The following ALG14 variants were observed in gnomAD, a reference collection of about 807,000 sequenced individuals.
The protein encoded by ALG14 is ALG14 UDP-N-acetylglucosaminyltransferase subunit.
In ALG14, 17 loss-of-function variants were observed where a neutral mutation model predicts 22.8. That is an observed-to-expected ratio of 0.75 (90% CI 0.51 to 1.12). The LOEUF is 1.12. Ranked by LOEUF, ALG14 falls within the 50% of genes most tolerant of loss-of-function variation. The pLI is 0.00. For synonymous variants in ALG14, 89 were observed against 103.7 expected (o/e 0.86, Z 0.86); for missense variants, 288 against 271.8 (o/e 1.06, Z -0.42).
intron 3 of ALG14, among the ~76,000 whole-genome samples, chr1:95,006,185 T>A (rs11586384): frequency 0.076 from 11,502 of 152,240 alleles, 501 homozygotes; most frequent in Non-Finnish European, 0.099. Context: ...AATTCTATAT[T>A]CAGAATCTAT....
In ALG14 at chr1:94,979,062, T is replaced by C. The variant is rs1672448652; in HGVS notation, c.*4014A>G. On this transcript the variant is annotated 3_prime_UTR_variant, in exon 4 of 4. Transcript: ENST00000370205. Reference sequence around the variant, plus strand: ...ACTTTGGGAGGCCAAGATGGGTGGATCACCTGAGGTTGGGAGTTCAAGATC... The same window carrying C: ...ACTTTGGGAGGCCAAGATGGGTGGACCACCTGAGGTTGGGAGTTCAAGATC... 1 of 152,040 alleles carries C rather than the reference T, an allele frequency of 6.6e-6. No individual in the cohort carries two copies. Among genetic ancestry groups the C allele is most frequent in the South Asian group, 2.1e-4 (1 of 4,820 alleles). The allele number at this position is 152,040 out of a possible 1,614,324, so 9.4% of individuals were successfully genotyped here. A position where few individuals can be genotyped will look rare whatever the true frequency, so the allele number is the denominator to read the frequency against.
chr1:95,008,676 A>G (rs921951194), intron 3 of ALG14, among the ~76,000 whole-genome samples: 3 of 152,186 alleles, frequency 2.0e-5, no homozygotes, highest in African/African-American at 4.8e-5. Context: ...GGTAAAATAT[A>G]TATAAAATTT....
At chr1:95,032,273 A>G (rs1674033598) in intron 2 of ALG14, among the ~76,000 whole-genome samples, 1 of 152,320 alleles carries the variant, frequency 6.6e-6, no homozygotes, top group Admixed American at 6.5e-5. Context: ...AGATATATTT[A>G]GAATATAGAA....
At chr1:95,050,937 C>T (rs570123553) in intron 2 of ALG14, among the ~76,000 whole-genome samples, 228 of 149,816 alleles carry the variant, frequency 1.5e-3, no homozygotes, top group Non-Finnish European at 2.4e-3. Context: ...GTGATCTCCA[C>T]TTCCTGCAAC....
intron 2 of ALG14, among the ~76,000 whole-genome samples, chr1:95,030,440 G>C (rs1029118810): frequency 6.6e-6 from 1 of 152,090 alleles, no homozygotes; most frequent in African/African-American, 2.4e-5. Flanking sequence ...AAATAATTCA[G>C]TAGAATTCCA....
intron 3 of ALG14, among the ~76,000 whole-genome samples, chr1:94,993,913 G>A (rs987297149): frequency 3.3e-5 from 5 of 152,134 alleles, no homozygotes; most frequent in Non-Finnish European, 7.4e-5. Context: ...CAGTCTGCAC[G>A]TTCCATGCAT....
At chr1:94,995,926 A>G (rs150693146) in intron 3 of ALG14, among the ~76,000 whole-genome samples, 1 of 152,340 alleles carries the variant, frequency 6.6e-6, no homozygotes. Context: ...CTTTGTTGAA[A>G]TTAGGAGGTT....
At chr1:95,019,768 G>A (rs895686250) in intron 3 of ALG14, among the ~76,000 whole-genome samples, 2 of 152,176 alleles carry the variant, frequency 1.3e-5, no homozygotes, top group Non-Finnish European at 2.9e-5. Context: ...ATCACCTGAT[G>A]TCGGGAGTTT....
intron 2 of ALG14, among the ~76,000 whole-genome samples, chr1:95,034,701 G>C (rs1327673012): frequency 2.0e-5 from 3 of 152,126 alleles, no homozygotes; most frequent in Non-Finnish European, 4.4e-5. Context: ...GTGTCTCACT[G>C]CTGAGGAGCT....
intron 2 of ALG14, among the ~76,000 whole-genome samples, chr1:95,054,740 A>G (rs1674872857): frequency 6.6e-6 from 1 of 152,206 alleles, no homozygotes; most frequent in Non-Finnish European, 1.5e-5. Flanking sequence ...GTTCTGCAAA[A>G]CTTAAAAATA....
rs538691806 is a variant in ALG14, at chr1:95,004,645, G to A, written c.421-21339C>T. ...CTCCCGAGTAGCTGGGACTACAAGC[G>A]CCAGCCACCACGCCTGGCTAATTTT... On this transcript the variant is annotated intron_variant, in intron 3 of 3. Coordinates refer to ENST00000370205, the MANE Select transcript of ALG14 (RefSeq NM_144988.4). 4.7e-5 allele frequency among the ~76,000 whole-genome samples: 7 copies of A among 148,112 alleles called. No homozygotes were observed. The East Asian group carries it at 1.2e-3, about 25-fold the overall frequency.
At chr1:95,028,031 T>C (rs1192926362) in intron 2 of ALG14, among the ~76,000 whole-genome samples, 1 of 152,246 alleles carries the variant, frequency 6.6e-6, no homozygotes, top group African/African-American at 2.4e-5. Context: ...TGAACTCGTA[T>C]GGAAGATATC....
intron 1 of ALG14, among the ~76,000 whole-genome samples, chr1:95,065,334 A>G (rs61774267): frequency 0.019 from 2,933 of 152,338 alleles, 51 homozygotes; most frequent in Non-Finnish European, 0.029. Flanking sequence ...AGACACATAT[A>G]TGAAGACAAA....
chr1:95,004,292 G>A lies in ALG14; in HGVS notation c.421-20986C>T, dbSNP rs56334443. Among the ~76,000 whole-genome samples the A allele has an allele frequency of 8.6e-3, 1,296 of 149,954 alleles. 6 individuals carry two copies. The highest frequency in any genetic ancestry group is 0.014 in the Non-Finnish European group (931 of 67,734). ...GATGGAGTGCAGTGACACGATCTTG[G>A]CTCACTGCAACCTCTGCCTCCTGGC... On this transcript the variant is annotated intron_variant, in intron 3 of 3. Transcript: ENST00000370205.
chr1:95,035,426 T>C (rs1394790658), intron 2 of ALG14, among the ~76,000 whole-genome samples: 1 of 152,222 alleles, frequency 6.6e-6, no homozygotes, highest in Non-Finnish European at 1.5e-5. Flanking sequence ...CAGGGCCATG[T>C]CCCATAGTAC....
intron 2 of ALG14, among the ~76,000 whole-genome samples, chr1:95,048,284 C>A (rs1674625717): frequency 6.6e-6 from 1 of 152,114 alleles, no homozygotes; most frequent in Admixed American, 6.6e-5. Flanking sequence ...TTTTCAGCAA[C>A]TTCTATTGTT....
intron 3 of ALG14, among the ~76,000 whole-genome samples, chr1:95,001,761 G>A (rs1373601685): frequency 6.6e-6 from 1 of 152,176 alleles, no homozygotes; most frequent in Non-Finnish European, 1.5e-5. Context: ...CTCCCAAAGT[G>A]CTGGGATTAT....
chr1:95,063,998 T>TA (rs1270748177), intron 2 of ALG14, among the ~76,000 whole-genome samples: 2 of 152,198 alleles, frequency 1.3e-5, no homozygotes, highest in African/African-American at 4.8e-5. Flanking sequence ...GTCCTTCACT[T>TA]CCCTTGTTAG....
chr1:95,060,218 A>G (rs1244804792), intron 2 of ALG14, among the ~76,000 whole-genome samples: 1 of 151,050 alleles, frequency 6.6e-6, no homozygotes, highest in Admixed American at 6.6e-5. Context: ...TGTTCACGCT[A>G]TCTCCCTCAA....
Sources: allele counts gnomAD v4.1 joint callset (sites outside exome capture counted in the v4.1 genomes callset), GRCh38; gene constraint gnomAD v4.1.1; transcripts MANE v1.5; gene names NCBI Gene and HGNC (gene_info 2026-07-23, HGNC 2026-07-21).